SIPA1L3: variants seen among roughly 807,000 people sequenced by gnomAD.
SIPA1L3 encodes the protein signal induced proliferation associated 1 like 3.
A neutral mutation model predicts 150.1 loss-of-function variants in SIPA1L3; 59 were observed. That is an observed-to-expected ratio of 0.39 (90% CI 0.32 to 0.49). SIPA1L3 has a LOEUF of 0.49. Ranked by LOEUF, SIPA1L3 falls within the 20% of genes least tolerant of loss-of-function variation. The pLI is 0.86. For missense variants in SIPA1L3, 2,211 were observed against 2,489.5 expected, an observed-to-expected ratio of 0.89 and a Z score of 2.38; for synonymous variants, 1,070 against 1,077.6, an observed-to-expected ratio of 0.99 and a Z score of 0.14.
chr19:38,129,772 T>C (rs1971265162), intron 9 of SIPA1L3, among the ~76,000 whole-genome samples: 2 of 151,966 alleles, frequency 1.3e-5, no homozygotes, highest in Admixed American at 1.3e-4. Context: ...TATTAGTGGC[T>C]TAAAGCAGGT....
chr19:38,097,191 A>G (rs752442673), intron 4 of SIPA1L3, among the ~76,000 whole-genome samples: 10 of 152,136 alleles, frequency 6.6e-5, no homozygotes, highest in Non-Finnish European at 1.0e-4. Flanking sequence ...TCTACAAAAA[A>G]TATACAAAAT....
At chr19:38,139,796 A>C (rs1398457138) in intron 10 of SIPA1L3, among the ~76,000 whole-genome samples, 1 of 152,206 alleles carries the variant, frequency 6.6e-6, no homozygotes, top group Admixed American at 6.5e-5. Context: ...AGGCACTGGC[A>C]GGATAGGGCC....
At chr19:38,174,236 C>G (rs928932637) in intron 15 of SIPA1L3, among the ~76,000 whole-genome samples, 4 of 152,166 alleles carry the variant, frequency 2.6e-5, no homozygotes, top group Admixed American at 1.3e-4. Context: ...TCCTGAAGAC[C>G]CGTCGCTTCT....
At chr19:38,036,454 G>A (rs1223861135) in intron 2 of SIPA1L3, among the ~76,000 whole-genome samples, 1 of 152,230 alleles carries the variant, frequency 6.6e-6, no homozygotes, top group African/African-American at 2.4e-5. Flanking sequence ...GGCAGGCCCT[G>A]TCTGAAGGCA....
At position 38,164,743 on chromosome 19, in the gene SIPA1L3, G is replaced by C. The variant is rs146387504; in HGVS notation, c.4045G>C (p.Glu1349Gln). The stretch of plus-strand genomic sequence containing the variant: ...TATGGGCCTTTGTGGCGGGGGTCGC[G>C]AGGCCGCTGGGAGGTCCCACCACGC... ...GSMGLCGGGR[E>Q]AAGRSHHADR... The change falls in exon 15 of 22, where the codon GAG (glutamate) becomes CAG (glutamine). Residue 1349 changes from glutamate (E) to glutamine (Q), a missense_variant. This residue lies in a region of SIPA1L3 where 806 missense variants were observed against 870.1 expected (regional missense o/e 0.93). Transcript: ENST00000222345. The surrounding 1 kb of genome is among the most constrained non-coding windows in gnomAD (Gnocchi z 4.1). The C allele has an allele frequency of 2.0e-5, 33 of 1,612,594 alleles. No homozygotes were observed. In the African/African-American group the frequency reaches 4.3e-4, roughly 21 times the overall value.
chr19:38,052,697 C>T (rs935027854), intron 2 of SIPA1L3, among the ~76,000 whole-genome samples: 1 of 152,260 alleles, frequency 6.6e-6, no homozygotes, highest in African/African-American at 2.4e-5. Flanking sequence ...ATCCCTGGCA[C>T]TGAGGTAAGT....
chr19:37,977,864 A>T (rs1378197367), intron 1 of SIPA1L3, among the ~76,000 whole-genome samples: 2 of 152,176 alleles, frequency 1.3e-5, no homozygotes, highest in Non-Finnish European at 2.9e-5. Flanking sequence ...GTTAAAACTA[A>T]ATGCCTAGAA....
chr19:38,015,080 G>C (rs775387915), intron 1 of SIPA1L3, among the ~76,000 whole-genome samples: 1 of 152,120 alleles, frequency 6.6e-6, no homozygotes, highest in African/African-American at 2.4e-5. Context: ...CTCCCAAAGT[G>C]CTGGGATTAC....
At chr19:38,205,962 G>C (rs1386937206) in intron 21 of SIPA1L3, 135 bp from the exon 22 acceptor site, 2 of 1,025,386 alleles carry the variant, frequency 2.0e-6, no homozygotes, top group Non-Finnish European at 2.7e-6. Flanking sequence ...TGGGATGTGT[G>C]CCCCGGCCTG....
chr19:37,931,563 A>G (rs1024244748), intron 1 of SIPA1L3, among the ~76,000 whole-genome samples: 2 of 151,516 alleles, frequency 1.3e-5, no homozygotes, highest in African/African-American at 4.9e-5. Flanking sequence ...CGTGGCTAAC[A>G]TGTTGAAACT....
At chr19:38,162,645 C>T (rs188744723) in intron 14 of SIPA1L3, among the ~76,000 whole-genome samples, 39 of 152,316 alleles carry the variant, frequency 2.6e-4, no homozygotes, top group East Asian at 9.6e-4. Context: ...CAGACAGCCC[C>T]GAATCTCAGT....
intron 1 of SIPA1L3, among the ~76,000 whole-genome samples, chr19:37,984,001 G>A (rs1967272660): frequency 6.6e-6 from 1 of 152,094 alleles, no homozygotes; most frequent in African/African-American, 2.4e-5. Context: ...CATGATTCGA[G>A]TGGAGATTTT....
At chr19:38,034,310 C>T (rs1363482877) in intron 2 of SIPA1L3, among the ~76,000 whole-genome samples, 2 of 152,166 alleles carry the variant, frequency 1.3e-5, no homozygotes, top group African/African-American at 2.4e-5. Context: ...CAAGCCCTGC[C>T]GTAAGCGCCT....
intron 2 of SIPA1L3, among the ~76,000 whole-genome samples, chr19:38,077,661 CTTTTTTTTTTTTTTTT>C (rs58788182): frequency 3.1e-5 from 2 of 64,324 alleles, no homozygotes; most frequent in Admixed American, 2.4e-4. Context: ...TTTTCTTTTT[CTTTTTTTTTTTTTTTT>C]TTTTTTTTTT....
chr19:38,200,279 C>T (rs2146068035), intron 19 of SIPA1L3: 1 of 152,322 alleles, frequency 6.6e-6, no homozygotes, highest in East Asian at 1.9e-4. Flanking sequence ...CCTCGGGAGG[C>T]TGAAGCAGGA....
chr19:38,198,510 G>T lies in SIPA1L3; in HGVS notation c.4962G>T (p.Val1654=). The part of the protein sequence containing the change: ...TAAGLEWSSL[V]NAAKAYEVQR... Reference sequence around the variant, plus strand: ...CTGGCCTCGAGTGGTCCAGCCTGGTGAACGCAGCCAAGGCATACGAAGGTA... The same window carrying T: ...CTGGCCTCGAGTGGTCCAGCCTGGTTAACGCAGCCAAGGCATACGAAGGTA... The change falls in exon 19 of 22, where the codon GTG becomes GTT. Residue 1654 remains valine (V), a synonymous_variant. Transcript: ENST00000222345. 1 of 1,585,314 alleles carries T rather than the reference G, an allele frequency of 6.3e-7. No individual in the cohort carries two copies. The highest frequency in any genetic ancestry group is 8.6e-7 in the Non-Finnish European group (1 of 1,167,086).
chr19:38,043,684 CTAGT>C (rs1464577433), intron 2 of SIPA1L3, among the ~76,000 whole-genome samples: 1 of 152,182 alleles, frequency 6.6e-6, no homozygotes, highest in East Asian at 1.9e-4. Context: ...GCTACTATTA[CTAGT>C]TAAAGTGCTT....
chr19:38,191,846 G>C (rs1350266137), intron 16 of SIPA1L3, among the ~76,000 whole-genome samples: 1 of 152,132 alleles, frequency 6.6e-6, no homozygotes, highest in Non-Finnish European at 1.5e-5. Context: ...TCACACAGGG[G>C]GTCTGTCTCT....
chr19:38,178,472 C>T (rs1332322753), intron 15 of SIPA1L3, among the ~76,000 whole-genome samples: 1 of 151,622 alleles, frequency 6.6e-6, no homozygotes, highest in African/African-American at 2.4e-5. Context: ...TCTGGGAGGC[C>T]AAATGTCTTG....
Sources: gnomAD v4.1 joint callset for allele counts (sites outside exome capture counted in the v4.1 genomes callset) on GRCh38, gnomAD v4.1.1 for gene constraint, gnomAD v4.1.1 regional missense constraint, Gnocchi (gnomAD v3.1) non-coding constraint, MANE v1.5 for transcripts, NCBI Gene and HGNC (gene_info 2026-07-23, HGNC 2026-07-21) for gene names.